The following SLC24A4 variants were observed in gnomAD, a reference collection of about 807,000 sequenced individuals.
The protein encoded by SLC24A4 is sodium/potassium/calcium exchanger 4.
In SLC24A4, 53 loss-of-function variants were observed where a neutral mutation model predicts 79.0. The ratio of observed to expected loss-of-function variants is 0.67; its 90% CI spans 0.54 to 0.84. The LOEUF (loss-of-function observed/expected upper bound fraction) is 0.84, where lower values mean the gene tolerates loss of function less well. Ranked by LOEUF, SLC24A4 falls within the 40% of genes least tolerant of loss-of-function variation. The pLI is 0.00. For missense variants in SLC24A4, 731 were observed against 822.0 expected (o/e 0.89, Z 1.35); for synonymous variants, 323 against 323.8 (o/e 1.00, Z 0.03).
intron 2 of SLC24A4, among the ~76,000 whole-genome samples, chr14:92,362,273 C>T (rs1270761994): frequency 2.6e-5 from 4 of 152,030 alleles, no homozygotes; most frequent in Non-Finnish European, 5.9e-5. Context: ...TGGAGAGCCT[C>T]GGAGCTCCAT....
chr14:92,386,155 G>T (rs946311110), intron 2 of SLC24A4, among the ~76,000 whole-genome samples: 1 of 151,986 alleles, frequency 6.6e-6, no homozygotes, highest in African/African-American at 2.4e-5. Context: ...TCATGGTTTC[G>T]TTTTTTTCCC....
intron 13 of SLC24A4, chr14:92,484,900 A>G: frequency 1.0e-6 from 1 of 985,296 alleles, no homozygotes; most frequent in Non-Finnish European, 1.2e-6. Context: ...CAGTTTGGCC[A>G]CTGAGTAGTG....
rs1040859811 is a variant in SLC24A4, at chr14:92,402,156, G to T, written c.242-31756G>T. On this transcript the variant is annotated intron_variant, in intron 2 of 16. Coordinates refer to ENST00000532405, the MANE Select transcript of SLC24A4 (RefSeq NM_153646.4). ...AAGCTGAACAATATTAATATTTGCT[G>T]GAAGAAGTAAGCCTCATGTCAAAAG... Among the ~76,000 whole-genome samples, 7 of 152,172 alleles carry T rather than the reference G, an allele frequency of 4.6e-5. No homozygotes were observed. In the Middle Eastern group the frequency reaches 0.01, roughly 222 times the overall value.
rs142019261 is a variant in SLC24A4 at position 92,493,566 on chromosome 14, A to G, written c.1807A>G (p.Ile603Val). 1.6e-4 allele frequency: 255 copies of G among 1,614,182 alleles called. No individual in the cohort carries two copies. In the African/African-American group the frequency reaches 2.4e-3, roughly 15 times the overall value. Residue 603 changes from isoleucine to valine, a missense_variant, in exon 17 of 17, where the codon ATA becomes GTA. Ile to Val is a conservative substitution (Grantham distance 29, BLOSUM62 3). Coordinates refer to ENST00000532405, the MANE Select transcript of SLC24A4 (RefSeq NM_153646.4). The stretch of plus-strand genomic sequence containing the variant: ...CTACGCCATCTTCTTGTGCTTCTCC[A>G]TAATGATAGAGTTTAACGTCTTTAC... Reference protein sequence around the residue: ...VLYAIFLCFSIMIEFNVFTFV... With the variant: ...VLYAIFLCFSVMIEFNVFTFV...
intron 4 of SLC24A4, among the ~76,000 whole-genome samples, chr14:92,440,173 C>T (rs10143414): frequency 0.022 from 3,352 of 152,194 alleles, 110 homozygotes; most frequent in African/African-American, 0.07. Context: ...GCTCAGTGTC[C>T]TTGCAGAATT....
intron 7 of SLC24A4, among the ~76,000 whole-genome samples, chr14:92,444,049 G>T (rs184774291): frequency 6.6e-6 from 1 of 151,962 alleles, no homozygotes; most frequent in Non-Finnish European, 1.5e-5. Context: ...GTCACCAGGT[G>T]CAGCCCACAT....
rs1566775813 is a variant in SLC24A4, at chr14:92,449,313, CA to C, written c.880+98del. The C allele has an allele frequency of 1.8e-4, 239 of 1,331,590 alleles. 3 individuals are homozygous for C. Among genetic ancestry groups the C allele is most frequent in the Admixed American group, 6.3e-4 (30 of 47,560 alleles). The allele number at this position is 1,331,590 out of a possible 1,614,324, so 82.5% of individuals were successfully genotyped here. A position where few individuals can be genotyped will look rare whatever the true frequency, so the allele number is the denominator to read the frequency against. On this transcript the variant is annotated intron_variant, in intron 10 of 16. Coordinates refer to ENST00000532405, the MANE Select transcript of SLC24A4 (RefSeq NM_153646.4). ...ACACACACACACACACACACACACA[CA>C]CACACACACCCTCTCACAATGTCCC...
chr14:92,496,057 A>G lies in SLC24A4; in HGVS notation c.*2429A>G, dbSNP rs954087431. The stretch of plus-strand genomic sequence containing the variant: ...GTAGCTTTCAGAGCACACGTATCCT[A>G]ATTACCCTCCTCTTCCTCAGCAGAA... On this transcript the variant is annotated 3_prime_UTR_variant, in exon 17 of 17. Transcript: ENST00000532405. 3 of 152,528 alleles carry G rather than the reference A, an allele frequency of 2.0e-5. No homozygotes were observed. Among genetic ancestry groups the G allele is most frequent in the Non-Finnish European group, 4.4e-5 (3 of 68,048 alleles). 9.4% of individuals were successfully genotyped at this position (152,528 alleles called of 1,614,324 possible).
intron 2 of SLC24A4, among the ~76,000 whole-genome samples, chr14:92,347,995 A>G (rs1018907887): frequency 5.9e-5 from 9 of 152,222 alleles, no homozygotes; most frequent in African/African-American, 2.2e-4. Flanking sequence ...GTGCCTAGAT[A>G]TTTGATTGGA....
chr14:92,414,264 CT>C (rs1199070261), intron 2 of SLC24A4, among the ~76,000 whole-genome samples: 2 of 152,158 alleles, frequency 1.3e-5, no homozygotes, highest in African/African-American at 4.8e-5. Context: ...AGTAGCACCC[CT>C]CCCCCGGTTG....
chr14:92,391,124 A>T (rs1243369069), intron 2 of SLC24A4, among the ~76,000 whole-genome samples: 1 of 152,164 alleles, frequency 6.6e-6, no homozygotes, highest in African/African-American at 2.4e-5. Context: ...CCTACATGCA[A>T]GGGGGCCTGG....
chr14:92,387,952 G>A (rs970997415), intron 2 of SLC24A4, among the ~76,000 whole-genome samples: 22 of 152,286 alleles, frequency 1.4e-4, no homozygotes, highest in African/African-American at 5.3e-4. Context: ...ATCCATCCAT[G>A]GACATTCACA....
chr14:92,483,051 T>G (rs1421253341), intron 13 of SLC24A4, among the ~76,000 whole-genome samples: 1 of 152,168 alleles, frequency 6.6e-6, no homozygotes, highest in African/African-American at 2.4e-5. Flanking sequence ...CACAGCACAG[T>G]GCCTGCCTTC....
intron 4 of SLC24A4, among the ~76,000 whole-genome samples, chr14:92,440,418 C>T (rs988437890): frequency 1.1e-4 from 17 of 152,240 alleles, no homozygotes; most frequent in East Asian, 3.9e-4. Context: ...TGCGCTGCAG[C>T]GATGGCGGTT....
intron 10 of SLC24A4, chr14:92,452,355 A>T (rs1056477215): frequency 6.6e-6 from 1 of 152,508 alleles, no homozygotes; most frequent in Non-Finnish European, 1.5e-5. Context: ...TTGAGCTTTC[A>T]TGCAGCAGTG....
At chr14:92,428,542 G>A (rs2139776478) in intron 2 of SLC24A4, among the ~76,000 whole-genome samples, 1 of 152,352 alleles carries the variant, frequency 6.6e-6, no homozygotes, top group African/African-American at 2.4e-5. Flanking sequence ...TTTGTTTTAT[G>A]CAGACCTGGA....
rs577713043 is a variant in SLC24A4 at position 92,408,545 on chromosome 14, G to C, written c.242-25367G>C. 4.0e-5 allele frequency: 18 copies of C among 454,702 alleles called. No homozygotes were observed. The South Asian group carries it at 1.7e-3, about 42-fold the overall frequency. The allele number at this position is 454,702 out of a possible 1,614,324, so 28.2% of individuals were successfully genotyped here. A position where few individuals can be genotyped will look rare whatever the true frequency, so the allele number is the denominator to read the frequency against. ...TCCCGTGGATTGGAGCCAGGTCTGT[G>C]TGGCTTGGGGATGGGTTCTGGCTGT... On this transcript the variant is annotated intron_variant, in intron 2 of 16. Transcript: ENST00000532405.
intron 2 of SLC24A4, among the ~76,000 whole-genome samples, chr14:92,340,447 G>A (rs1184678226): frequency 6.6e-6 from 1 of 152,272 alleles, no homozygotes; most frequent in Non-Finnish European, 1.5e-5. Flanking sequence ...GTTGCTGGCA[G>A]TGGACTTGGT....
intron 2 of SLC24A4, among the ~76,000 whole-genome samples, chr14:92,400,437 CAAAAAAAA>C (rs35343108): frequency 1.3e-5 from 1 of 79,480 alleles, no homozygotes; most frequent in African/African-American, 4.8e-5. Context: ...GACTCCATCT[CAAAAAAAA>C]AAAAAAAAAA....
Sources: gnomAD v4.1 joint callset for allele counts (sites outside exome capture counted in the v4.1 genomes callset) on GRCh38, gnomAD v4.1.1 for gene constraint, MANE v1.5 for transcripts, NCBI Gene and HGNC (gene_info 2026-07-23, HGNC 2026-07-21) for gene names.